The following VPS13D variants were observed in gnomAD, a reference collection of about 807,000 sequenced individuals.
VPS13D encodes intermembrane lipid transfer protein VPS13D.
VPS13D carries 187 observed loss-of-function variants against 461.9 expected under a neutral mutation model. The observed-to-expected ratio is 0.40, with a 90% confidence interval of 0.36 to 0.46. The LOEUF is 0.46. VPS13D is among the 20% of genes least tolerant of loss of function. VPS13D has a pLI of 0.60. For missense variants in VPS13D, 4,711 were observed against 5,364.9 expected (o/e 0.88, Z 3.81); for synonymous variants, 1,951 against 1,986.3 (o/e 0.98, Z 0.47).
chr1:12,504,171 TTAA>T (rs1442467511), intron 68 of VPS13D, among the ~76,000 whole-genome samples: 1 of 152,110 alleles, frequency 6.6e-6, no homozygotes, highest in Non-Finnish European at 1.5e-5. Context: ...AAAATTAAAA[TTAA>T]TAATAATAAC....
At chr1:12,396,551 C>T (rs1198202300) in intron 60 of VPS13D, among the ~76,000 whole-genome samples, 1 of 151,544 alleles carries the variant, frequency 6.6e-6, no homozygotes, top group Non-Finnish European at 1.5e-5. Flanking sequence ...TCCTGGTAGA[C>T]ATTTCCAGAA....
At chr1:12,285,964 T>C (rs1415801433) in intron 21 of VPS13D, among the ~76,000 whole-genome samples, 2 of 135,210 alleles carry the variant, frequency 1.5e-5, no homozygotes, top group African/African-American at 5.8e-5. Flanking sequence ...TTTCCTTTCC[T>C]TTCCTTTCCT....
At chr1:12,310,566 C>T (rs1194759014) in intron 27 of VPS13D, among the ~76,000 whole-genome samples, 1 of 152,158 alleles carries the variant, frequency 6.6e-6, no homozygotes, top group Non-Finnish European at 1.5e-5. Flanking sequence ...ATCCTCATGT[C>T]CCATCTGGGC....
At chr1:12,382,031 TTCTC>T (rs1188095542) in intron 57 of VPS13D, among the ~76,000 whole-genome samples, 1 of 149,098 alleles carries the variant, frequency 6.7e-6, no homozygotes. Flanking sequence ...CTTCCTTTCT[TTCTC>T]TTTCTTTCTT....
chr1:12,294,672 C>G (rs1642224849), intron 24 of VPS13D, among the ~76,000 whole-genome samples: 1 of 151,994 alleles, frequency 6.6e-6, no homozygotes, highest in African/African-American at 2.4e-5. Flanking sequence ...ATTAGCTGGG[C>G]ATGGTGGCAC....
chr1:12,357,619 G>A (rs1046254732), intron 49 of VPS13D, among the ~76,000 whole-genome samples: 6 of 152,176 alleles, frequency 3.9e-5, no homozygotes, highest in Non-Finnish European at 5.9e-5. Context: ...AGTTTACATC[G>A]CTTGTTAGTG....
chr1:12,471,402 T>C (rs1463806413), intron 67 of VPS13D, among the ~76,000 whole-genome samples: 3 of 152,248 alleles, frequency 2.0e-5, no homozygotes, highest in Admixed American at 6.5e-5. Flanking sequence ...AAAGTAGATA[T>C]GTATTCACTT....
chr1:12,314,829 T>C (rs928609152), intron 30 of VPS13D, among the ~76,000 whole-genome samples: 1 of 152,262 alleles, frequency 6.6e-6, no homozygotes, highest in Admixed American at 6.5e-5. Flanking sequence ...AGAAAGAACA[T>C]ATATTTTGGA....
chr1:12,249,353 G>T lies in VPS13D; in HGVS notation c.564+14G>T, dbSNP rs371793059. The T allele has an allele frequency of 8.1e-6, 13 of 1,596,100 alleles. No homozygotes were observed. The highest frequency in any genetic ancestry group is 1.0e-5 in the Non-Finnish European group (12 of 1,168,758). On this transcript the variant is annotated intron_variant, in intron 6 of 69. Transcript: ENST00000620676. ...GTGAATGAGCCTGTGAGTATGAAAT[G>T]TGATGACAAAGCAGGAAGAAAGCCA...
intron 1 of VPS13D, among the ~76,000 whole-genome samples, chr1:12,232,915 A>T (rs1474471149): frequency 1.3e-5 from 2 of 151,860 alleles, no homozygotes. Context: ...CAAATTTGAG[A>T]CATTTAATTT....
Position 12,507,883 on chromosome 1 carries a change from T to C in VPS13D, c.13035+790T>C, listed in dbSNP as rs541291828. On this transcript the variant is annotated intron_variant, in intron 69 of 69. Transcript: ENST00000620676. The surrounding 1 kb of genome is among the most constrained non-coding windows in gnomAD (Gnocchi z 5.3). Reference sequence around the variant, plus strand: ...ACACCCAGGTGTTAGTCCTGCTCATTCTCACCCGGCATACCCGGATTTTGA... The same window carrying C: ...ACACCCAGGTGTTAGTCCTGCTCATCCTCACCCGGCATACCCGGATTTTGA... Among the ~76,000 whole-genome samples the C allele has an allele frequency of 3.9e-5, 6 of 152,386 alleles. No homozygotes were observed. The East Asian group carries it at 1.2e-3, about 29-fold the overall frequency.
chr1:12,324,846 G>A (rs1019980663), intron 35 of VPS13D, among the ~76,000 whole-genome samples: 1 of 152,170 alleles, frequency 6.6e-6, no homozygotes, highest in Admixed American at 6.5e-5. Flanking sequence ...AGCCCTTGGA[G>A]GCAGACATTA....
At chr1:12,242,389 C>A in intron 2 of VPS13D, 124 bp from the exon 3 acceptor site, 2 of 810,974 alleles carry the variant, frequency 2.5e-6, no homozygotes, top group Non-Finnish European at 3.9e-6. Context: ...TTTCCTTTAA[C>A]CTTCACATGA....
chr1:12,288,354 T>C, intron 22 of VPS13D, 41 bp downstream of exon 22: 2 of 1,549,254 alleles, frequency 1.3e-6, no homozygotes, highest in Non-Finnish European at 1.8e-6. Context: ...TTGCAAAATC[T>C]GGTCAGCATT....
Position 12,249,223 on chromosome 1 carries a change from T to A in VPS13D, c.448T>A (p.Leu150Ile), listed in dbSNP as rs1230205916. The A allele has an allele frequency of 3.1e-6, 5 of 1,609,722 alleles. No individual in the cohort carries two copies. The East Asian group carries it at 1.1e-4, about 36-fold the overall frequency. Residue 150 changes from leucine to isoleucine, a missense_variant and splice_region_variant, in exon 6 of 70, where the codon TTA becomes ATA. Coordinates refer to ENST00000620676, the MANE Select transcript of VPS13D (RefSeq NM_015378.4). ...VVTRIVENIE[L>I]KIQDVHLRFE... ...TGCTTTTTCTTTTTTCTCTTTGCAGTTAAAAATTCAAGATGTCCATTTACG... is the reference window on the plus strand; with the variant it reads ...TGCTTTTTCTTTTTTCTCTTTGCAGATAAAAATTCAAGATGTCCATTTACG...
chr1:12,269,787 G>A (rs1641381412), intron 16 of VPS13D, among the ~76,000 whole-genome samples: 2 of 152,242 alleles, frequency 1.3e-5, no homozygotes, highest in African/African-American at 4.8e-5. Context: ...TTTTGGACTA[G>A]TTTTTTAGTC....
At chr1:12,341,141 T>C (rs114213673) in intron 40 of VPS13D, among the ~76,000 whole-genome samples, 1,674 of 152,328 alleles carry the variant, frequency 0.011, 26 homozygotes, top group African/African-American at 0.038. Flanking sequence ...AGCCATATTT[T>C]ATGTTCCTTT....
chr1:12,448,148 T>C (rs1645217748), intron 65 of VPS13D, among the ~76,000 whole-genome samples: 1 of 152,198 alleles, frequency 6.6e-6, no homozygotes, highest in Non-Finnish European at 1.5e-5. Flanking sequence ...AAAGAGAGTG[T>C]GTCTTTTGCT....
At chr1:12,376,096 G>A (rs1644194730) in intron 55 of VPS13D, among the ~76,000 whole-genome samples, 1 of 152,224 alleles carries the variant, frequency 6.6e-6, no homozygotes, top group African/African-American at 2.4e-5. Context: ...TTGATTCCCA[G>A]TCTGCAGCAT....
Sources: gnomAD v4.1 joint callset for allele counts (sites outside exome capture counted in the v4.1 genomes callset) on GRCh38, gnomAD v4.1.1 for gene constraint, Gnocchi (gnomAD v3.1) non-coding constraint, MANE v1.5 for transcripts, NCBI Gene and HGNC (gene_info 2026-07-23, HGNC 2026-07-21) for gene names.